Variants in LRRC7 observed in about 807,000 individuals in gnomAD.
LRRC7 encodes the protein leucine-rich repeat-containing protein 7.
Under a neutral mutation model 175.7 loss-of-function variants are expected in LRRC7, and 23 were observed. That is an observed-to-expected ratio of 0.13 (90% CI 0.09 to 0.19). The LOEUF (loss-of-function observed/expected upper bound fraction) is 0.19, where lower values mean the gene tolerates loss of function less well. Ranked by LOEUF, LRRC7 falls within the 10% of genes least tolerant of loss-of-function variation. The probability of loss-of-function intolerance (pLI) is 1.00; values close to 1 mark genes in which losing one functional copy is unlikely to be tolerated. For synonymous variants in LRRC7, 685 were observed against 680.9 expected (o/e 1.01, Z -0.09); for missense variants, 1,354 against 1,904.7 (o/e 0.71, Z 5.38).
intron 4 of LRRC7, among the ~76,000 whole-genome samples, chr1:69,800,970 T>C (rs1185747928): frequency 6.6e-6 from 1 of 151,968 alleles, no homozygotes; most frequent in Non-Finnish European, 1.5e-5. Context: ...TCAAATGCTT[T>C]TTCTCTATCT....
At chr1:69,654,212 T>C (rs1045729619) in intron 1 of LRRC7, among the ~76,000 whole-genome samples, 3 of 151,744 alleles carry the variant, frequency 2.0e-5, no homozygotes, top group Non-Finnish European at 4.4e-5. Flanking sequence ...AATGAAAATA[T>C]CAAAGTGTGA....
chr1:69,763,735 G>A (rs1405645925), intron 3 of LRRC7, among the ~76,000 whole-genome samples: 1 of 152,026 alleles, frequency 6.6e-6, no homozygotes, highest in Admixed American at 6.6e-5. Context: ...TATAGGCAGA[G>A]CATTGAGCTC....
At chr1:69,938,104 AT>A (rs1321818724) in intron 8 of LRRC7, among the ~76,000 whole-genome samples, 1 of 152,056 alleles carries the variant, frequency 6.6e-6, no homozygotes, top group Non-Finnish European at 1.5e-5. Flanking sequence ...AAGAAAAGTT[AT>A]TCTATGTGAA....
At chr1:69,953,193 G>C (rs957996515) in intron 8 of LRRC7, among the ~76,000 whole-genome samples, 1 of 151,874 alleles carries the variant, frequency 6.6e-6, no homozygotes, top group African/African-American at 2.4e-5. Flanking sequence ...ACTGCTTGCT[G>C]TCCTTCGTAT....
At chr1:69,653,794 G>T (rs918961975) in intron 1 of LRRC7, among the ~76,000 whole-genome samples, 5 of 152,024 alleles carry the variant, frequency 3.3e-5, no homozygotes, top group African/African-American at 9.7e-5. Context: ...AAAAAGGAAA[G>T]CCTGTCACGT....
intron 1 of LRRC7, among the ~76,000 whole-genome samples, chr1:69,626,805 T>G (rs1651653319): frequency 6.6e-6 from 1 of 150,398 alleles, no homozygotes; most frequent in African/African-American, 2.4e-5. Context: ...TTCCCACTTT[T>G]GAGTGAGAAC....
chr1:69,757,049 TG>T (rs1320163074), intron 2 of LRRC7, among the ~76,000 whole-genome samples: 1 of 152,004 alleles, frequency 6.6e-6, no homozygotes, highest in East Asian at 1.9e-4. Context: ...GAATTGTGGT[TG>T]AAAGTCCGTA....
At chr1:69,903,870 A>G (rs866040665) in intron 7 of LRRC7, among the ~76,000 whole-genome samples, 4 of 152,216 alleles carry the variant, frequency 2.6e-5, no homozygotes, top group South Asian at 2.1e-4. Flanking sequence ...AGAATACTAT[A>G]AACACCTCTA....
intron 4 of LRRC7, among the ~76,000 whole-genome samples, chr1:69,797,773 T>C (rs1379237514): frequency 2.0e-5 from 3 of 152,132 alleles, no homozygotes; most frequent in Non-Finnish European, 4.4e-5. Flanking sequence ...ACTGCATTAC[T>C]CTCCAATATA....
intron 1 of LRRC7, among the ~76,000 whole-genome samples, chr1:69,664,599 T>C (rs2100547173): frequency 6.6e-6 from 1 of 152,328 alleles, no homozygotes; most frequent in South Asian, 2.1e-4. Context: ...GCCTTTTGTA[T>C]CTCTTCTTTT....
At chr1:69,666,395 A>G (rs947001835) in intron 1 of LRRC7, among the ~76,000 whole-genome samples, 2 of 152,030 alleles carry the variant, frequency 1.3e-5, no homozygotes, top group Admixed American at 1.3e-4. Flanking sequence ...TAGAATTGGT[A>G]TTATTTCTTT....
At chr1:70,047,857 T>G (rs1243471842) in intron 22 of LRRC7, among the ~76,000 whole-genome samples, 1 of 152,036 alleles carries the variant, frequency 6.6e-6, no homozygotes, top group African/African-American at 2.4e-5. Flanking sequence ...ATTCATTTAT[T>G]TAGATGCTTA....
At chr1:69,817,560 A>G (rs1265116984) in intron 4 of LRRC7, among the ~76,000 whole-genome samples, 1 of 152,132 alleles carries the variant, frequency 6.6e-6, no homozygotes, top group East Asian at 1.9e-4. Flanking sequence ...AAATGAAGAA[A>G]GGTGAGGCTT....
intron 4 of LRRC7, among the ~76,000 whole-genome samples, chr1:69,805,849 G>T (rs1373383834): frequency 1.3e-5 from 2 of 151,778 alleles, no homozygotes; most frequent in African/African-American, 4.8e-5. Context: ...CTTATTCCAT[G>T]GGAGATAAAA....
intron 2 of LRRC7, among the ~76,000 whole-genome samples, chr1:69,709,132 G>A (rs530761872): frequency 2.6e-5 from 4 of 152,256 alleles, no homozygotes; most frequent in Admixed American, 2.0e-4. Context: ...CTTTGTATTA[G>A]ACAGGAAAGA....
intron 13 of LRRC7, 91 bp downstream of exon 13, chr1:70,013,180 C>T (rs1003024186): frequency 1.5e-5 from 10 of 671,568 alleles, no homozygotes; most frequent in African/African-American, 3.7e-5. Context: ...ACATTTTCTG[C>T]GTTTCGACAT....
chr1:69,888,199 G>A (rs546418015), intron 7 of LRRC7, among the ~76,000 whole-genome samples: 7 of 151,996 alleles, frequency 4.6e-5, no homozygotes, highest in East Asian at 1.9e-4. Flanking sequence ...GGGCAATGGC[G>A]GTCGCCCCTC....
At chr1:69,715,816 A>T (rs1031205192) in intron 2 of LRRC7, among the ~76,000 whole-genome samples, 1 of 152,018 alleles carries the variant, frequency 6.6e-6, no homozygotes, top group African/African-American at 2.4e-5. Context: ...TACATTTATT[A>T]TTTAGTTATT....
At chr1:70,079,880 C>T (rs1663083144) in intron 24 of LRRC7, among the ~76,000 whole-genome samples, 1 of 152,198 alleles carries the variant, frequency 6.6e-6, no homozygotes, top group African/African-American at 2.4e-5. Context: ...GTCCTGCTTA[C>T]ATATACTATT....
Sources: gnomAD v4.1 joint callset for allele counts (sites outside exome capture counted in the v4.1 genomes callset) on GRCh38, gnomAD v4.1.1 for gene constraint, MANE v1.5 for transcripts, NCBI Gene and HGNC (gene_info 2026-07-23, HGNC 2026-07-21) for gene names.